NCOA5: variants seen among roughly 807,000 people sequenced by gnomAD.
NCOA5 encodes the protein NCoA-5.
In NCOA5, 12 loss-of-function variants were observed where a neutral mutation model predicts 59.0. That is an observed-to-expected ratio of 0.20 (90% CI 0.13 to 0.33). NCOA5 has a LOEUF of 0.33. NCOA5 is among the 10% of genes least tolerant of loss of function. The probability of loss-of-function intolerance (pLI) is 1.00; values close to 1 mark genes in which losing one functional copy is unlikely to be tolerated. For missense variants in NCOA5, 655 were observed against 766.6 expected (o/e 0.85, Z 1.72); for synonymous variants, 270 against 275.5 (o/e 0.98, Z 0.20).
intron 1 of NCOA5, 72 bp downstream of exon 1, chr20:46,089,745 G>C (rs961643456): frequency 6.6e-6 from 1 of 152,092 alleles, no homozygotes; most frequent in Admixed American, 6.6e-5. Flanking sequence ...TCCCCGTCCG[G>C]CCAGGCCCCC....
At chr20:46,074,582 G>C (rs1378703835) in intron 2 of NCOA5, among the ~76,000 whole-genome samples, 2 of 152,166 alleles carry the variant, frequency 1.3e-5, no homozygotes, top group African/African-American at 4.8e-5. Flanking sequence ...AATACTCTTT[G>C]CCTTGAGGGG....
At chr20:46,085,196 A>C (rs1330817745) in intron 1 of NCOA5, among the ~76,000 whole-genome samples, 3 of 141,260 alleles carry the variant, frequency 2.1e-5, no homozygotes, top group Admixed American at 7.3e-5. Flanking sequence ...ACACGCAGCT[A>C]ATTTTTTTTT....
At chr20:46,079,526 A>G in intron 1 of NCOA5, 73 bp from the exon 2 acceptor site, 1 of 1,228,784 alleles carries the variant, frequency 8.1e-7, no homozygotes, top group Non-Finnish European at 1.2e-6. Flanking sequence ...TTTCAAATGA[A>G]AGCAACAACA....
At chr20:46,082,044 G>GA (rs2084997244) in intron 1 of NCOA5, among the ~76,000 whole-genome samples, 1 of 152,048 alleles carries the variant, frequency 6.6e-6, no homozygotes. Flanking sequence ...CACAGAATTT[G>GA]AAAACCTGTC....
At position 46,069,528 on chromosome 20, in the gene NCOA5, G is replaced by C. The variant is rs190837366; in HGVS notation, c.365+682C>G. Among the ~76,000 whole-genome samples the C allele has an allele frequency of 7.8e-4, 119 of 152,256 alleles. 2 individuals carry two copies. The East Asian group carries it at 0.018, about 23-fold the overall frequency. The stretch of plus-strand genomic sequence containing the variant: ...AGGCGGGAGGATACCTTGAGCTCAG[G>C]AGTTCAAGACCAGCCTGGGCAACAC... On this transcript the variant is annotated intron_variant, in intron 3 of 7. Coordinates refer to ENST00000290231, the MANE Select transcript of NCOA5 (RefSeq NM_020967.3).
intron 1 of NCOA5, among the ~76,000 whole-genome samples, chr20:46,080,411 TGCA>T (rs1166764315): frequency 6.6e-6 from 1 of 152,228 alleles, no homozygotes; most frequent in African/African-American, 2.4e-5. Flanking sequence ...TGCTTTCTGC[TGCA>T]GTAGAGTTTG....
At chr20:46,076,903 T>C (rs941889907) in intron 2 of NCOA5, among the ~76,000 whole-genome samples, 2 of 152,204 alleles carry the variant, frequency 1.3e-5, no homozygotes, top group Admixed American at 1.3e-4. Context: ...TGTATATTTA[T>C]ATAGTTGGTA....
chr20:46,071,284 A>T (rs1169321921), intron 2 of NCOA5, among the ~76,000 whole-genome samples: 1 of 152,194 alleles, frequency 6.6e-6, no homozygotes, highest in African/African-American at 2.4e-5. Flanking sequence ...ATTTAAAATT[A>T]AAAACTTCTT....
At chr20:46,081,236 C>G (rs2084988844) in intron 1 of NCOA5, among the ~76,000 whole-genome samples, 1 of 152,068 alleles carries the variant, frequency 6.6e-6, no homozygotes, top group Non-Finnish European at 1.5e-5. Flanking sequence ...TAAACACTGA[C>G]TAGACCTGGC....
rs532933529 is a variant in NCOA5, at chr20:46,075,208, CAT to C, written c.38+4177_38+4178del. On this transcript the variant is annotated intron_variant, in intron 2 of 7. Transcript: ENST00000290231. ...ACACCTCACAGACCCAAATTTTACA[CAT>C]GTCCATGCTTTTCCTTAGGAAGCAC... Among the ~76,000 whole-genome samples, 31 of 152,288 alleles carry C rather than the reference CAT, an allele frequency of 2.0e-4. No individual in the cohort carries two copies. The East Asian group carries it at 2.5e-3, about 12-fold the overall frequency.
rs148898880 is a variant in NCOA5 at position 46,062,674 on chromosome 20, C to T, written c.1366G>A (p.Ala456Thr). The change falls in exon 8 of 8, where the codon GCT (alanine) becomes ACT (threonine). Residue 456 changes from alanine (A) to threonine (T), a missense_variant. Physicochemically the swap from Ala to Thr is moderately conservative, Grantham distance 58. Coordinates refer to ENST00000290231, the MANE Select transcript of NCOA5 (RefSeq NM_020967.3). ...ANSSSASPSV[A>T]AGNTPNQNFS... The stretch of plus-strand genomic sequence containing the variant: ...TTCTGGTTTGGGGTGTTTCCGGCAG[C>T]AACCGAGGGGGATGCAGAGCTGCTA... 6.2e-7 allele frequency: 1 copy of T among 1,614,182 alleles called. No homozygotes were observed. Among genetic ancestry groups the T allele is most frequent in the Admixed American group, 1.7e-5 (1 of 60,016 alleles).
intron 3 of NCOA5, among the ~76,000 whole-genome samples, chr20:46,069,078 C>T (rs898739810): frequency 2.6e-5 from 4 of 152,008 alleles, no homozygotes; most frequent in African/African-American, 4.8e-5. Context: ...TCCCAAAGTG[C>T]TGGGATTACA....
At position 46,068,510 on chromosome 20, in the gene NCOA5, C is replaced by T. The variant is rs1172857050; in HGVS notation, c.494G>A (p.Arg165His). The T allele has an allele frequency of 5.6e-6, 9 of 1,610,288 alleles. No homozygotes were observed. The highest frequency in any genetic ancestry group is 1.7e-5 in the Admixed American group (1 of 59,016). ...TGTTTCAGCTACTTTACCTTTTGCA[C>T]GAGACTGACTTTCTGGGCCTGGAGG... is the stretch of plus-strand genomic sequence containing the variant. ...RGPPGPESQSRAKERLKREER... is the reference protein window; with the variant it reads ...RGPPGPESQSHAKERLKREER... The change falls in exon 4 of 8, where the codon CGT becomes CAT. Residue 165 changes from arginine (R) to histidine (H), a missense_variant. Arg to His is a conservative substitution (Grantham distance 29, BLOSUM62 0). Transcript: ENST00000290231.
chr20:46,072,011 A>C (rs897945910), intron 2 of NCOA5, among the ~76,000 whole-genome samples: 1 of 152,178 alleles, frequency 6.6e-6, no homozygotes, highest in Non-Finnish European at 1.5e-5. Flanking sequence ...TTCCCATCTC[A>C]GTAAATGGCA....
intron 1 of NCOA5, 103 bp downstream of exon 1, chr20:46,089,714 G>A (rs1205707605): frequency 6.6e-6 from 1 of 152,108 alleles, no homozygotes; most frequent in Non-Finnish European, 1.5e-5. Flanking sequence ...CGCGCGTCGA[G>A]TGGGCCTTCC....
Position 46,070,305 on chromosome 20 carries a change from A to C in NCOA5, c.270T>G (p.Phe90Leu), listed in dbSNP as rs546614012. 2.5e-6 allele frequency: 4 copies of C among 1,613,990 alleles called. No homozygotes were observed. The East Asian group carries it at 6.7e-5, about 27-fold the overall frequency. The change falls in exon 3 of 8, where the codon TTT becomes TTG. Residue 90 changes from phenylalanine to leucine, a missense_variant. By Grantham distance (22) the Phe-to-Leu change is conservative. This residue lies in a region of NCOA5 where 250 missense variants were observed against 260.1 expected (regional missense o/e 0.96). Coordinates refer to ENST00000290231, the MANE Select transcript of NCOA5 (RefSeq NM_020967.3). ...AATCCCTAGAGTCTCTTAGATCACG[A>C]AAGTCTCTAAGATCCCTCACGTCCC... ...DVRDVRDLRD[F>L]RDLRDSRDFR...
intron 2 of NCOA5, among the ~76,000 whole-genome samples, chr20:46,071,158 GAAC>G (rs1568881587): frequency 6.7e-6 from 1 of 149,266 alleles, no homozygotes; most frequent in Non-Finnish European, 1.5e-5. Context: ...AAAAAAAAGA[GAAC>G]AAAACAAAAC....
At chr20:46,064,936 T>C (rs1442005585) in intron 6 of NCOA5, 93 bp downstream of exon 6, 1 of 1,229,466 alleles carries the variant, frequency 8.1e-7, no homozygotes, top group Non-Finnish European at 1.2e-6. Context: ...AACTGAGATA[T>C]AAGAGTCATT....
chr20:46,063,324 G>C (rs1256922373), intron 7 of NCOA5, 36 bp downstream of exon 7: 1 of 1,596,524 alleles, frequency 6.3e-7, no homozygotes, highest in East Asian at 2.2e-5. Flanking sequence ...GAAATGCAGA[G>C]TCAGAACTTC....
Sources: gnomAD v4.1 joint callset for allele counts (sites outside exome capture counted in the v4.1 genomes callset) on GRCh38, gnomAD v4.1.1 for gene constraint, gnomAD v4.1.1 regional missense constraint, MANE v1.5 for transcripts, NCBI Gene and HGNC (gene_info 2026-07-23, HGNC 2026-07-21) for gene names.